Variants in SCUBE1 observed in about 807,000 individuals in gnomAD.
The protein encoded by SCUBE1 is signal peptide, CUB and EGF-like domain-containing protein 1.
SCUBE1 carries 59 observed loss-of-function variants against 124.4 expected under a neutral mutation model. The ratio of observed to expected loss-of-function variants is 0.47; its 90% confidence interval spans 0.38 to 0.59. The LOEUF (loss-of-function observed/expected upper bound fraction) is 0.59, where lower values mean the gene tolerates loss of function less well. Ranked by LOEUF, SCUBE1 falls within the 20% of genes least tolerant of loss-of-function variation. SCUBE1 has a pLI of 0.00. For synonymous variants in SCUBE1, 545 were observed against 550.9 expected (o/e 0.99, Z 0.15); for missense variants, 1,150 against 1,371.2 (o/e 0.84, Z 2.55).
chr22:43,279,646 T>C (rs774856433), intron 4 of SCUBE1, among the ~76,000 whole-genome samples: 1 of 152,240 alleles, frequency 6.6e-6, no homozygotes, highest in Non-Finnish European at 1.5e-5. Flanking sequence ...TAGGAGGCAA[T>C]CTTTTTTGCT....
intron 4 of SCUBE1, among the ~76,000 whole-genome samples, chr22:43,269,207 C>T (rs1361082109): frequency 1.3e-5 from 2 of 152,158 alleles, no homozygotes; most frequent in African/African-American, 4.8e-5. Context: ...GATGGGCCCT[C>T]CCCCAGGTCG....
chr22:43,227,481 C>A lies in SCUBE1; in HGVS notation c.1100G>T (p.Ser367Ile). ...CTGGTCACAGCTCCCGTTGCTCATG[C>A]TGCACTCGTCCACATCTGGAAGCAC... is the stretch of plus-strand genomic sequence containing the variant. Reference protein sequence around the residue: ...TTHCGDVDECSMSNGSCDQGC... With the variant: ...TTHCGDVDECIMSNGSCDQGC... The change falls in exon 10 of 22, where the codon AGC (serine) becomes ATC (isoleucine). Residue 367 changes from serine to isoleucine, a missense_variant. By Grantham distance (142) the Ser-to-Ile change is moderately radical. Transcript: ENST00000360835. The A allele has an allele frequency of 6.2e-7, 1 of 1,612,600 alleles. No homozygotes were observed. The highest frequency in any genetic ancestry group is 8.5e-7 in the Non-Finnish European group (1 of 1,179,820).
rs1489931249 is a variant in SCUBE1 at position 43,198,874 on chromosome 22, TGGGGCAGTTTGCTGTCTGCTTTCC to T, written c.*5099_*5122del. On this transcript the variant is annotated 3_prime_UTR_variant, in exon 22 of 22. Coordinates refer to ENST00000360835, the MANE Select transcript of SCUBE1 (RefSeq NM_173050.5). ...GAAGTGTGTCTGTCTGTCTGCTGTC[TGGGGCAGTTTGCTGTCTGCTTTCC>T]GGGGCAGTTTGTCTGTCTGCTGTCT... The T allele has an allele frequency of 1.6e-5, 6 of 386,786 alleles. No homozygotes were observed. Among genetic ancestry groups the T allele is most frequent in the African/African-American group, 6.3e-5 (3 of 47,884 alleles). 24.0% of individuals were successfully genotyped at this position (386,786 alleles called of 1,614,324 possible). A position where few individuals can be genotyped will look rare whatever the true frequency, so the allele number is the denominator to read the frequency against.
intron 4 of SCUBE1, among the ~76,000 whole-genome samples, chr22:43,277,836 G>A (rs73422081): frequency 0.054 from 8,220 of 152,312 alleles, 506 homozygotes; most frequent in African/African-American, 0.15. Context: ...AAACAATTCT[G>A]TCATAAAATA....
chr22:43,336,832 C>A (rs971721442), intron 2 of SCUBE1, among the ~76,000 whole-genome samples: 1 of 152,138 alleles, frequency 6.6e-6, no homozygotes, highest in Non-Finnish European at 1.5e-5. Flanking sequence ...GAATGATTAG[C>A]CTTCAGATTT....
At chr22:43,230,205 G>C (rs987475856) in intron 8 of SCUBE1, among the ~76,000 whole-genome samples, 1 of 152,140 alleles carries the variant, frequency 6.6e-6, no homozygotes, top group African/African-American at 2.4e-5. Flanking sequence ...CAGTGGCTAG[G>C]AGGTAAGAGC....
intron 6 of SCUBE1, among the ~76,000 whole-genome samples, chr22:43,242,487 G>A (rs1221218081): frequency 6.6e-6 from 1 of 152,242 alleles, no homozygotes; most frequent in Non-Finnish European, 1.5e-5. Context: ...CGGTGGGGAG[G>A]TTGGGGGTGG....
Position 43,255,165 on chromosome 22 carries a change from C to T in SCUBE1, c.727+3054G>A, listed in dbSNP as rs1185068218. Reference sequence around the variant, plus strand: ...TTTACGACACACGTCTCCTTACACGCACAGGCCAGTGGATACTAGCCCTGG... The same window carrying T: ...TTTACGACACACGTCTCCTTACACGTACAGGCCAGTGGATACTAGCCCTGG... On this transcript the variant is annotated intron_variant, in intron 6 of 21. Transcript: ENST00000360835. The surrounding 1 kb of genome is among the most constrained non-coding windows in gnomAD (Gnocchi z 4.7). Among the ~76,000 whole-genome samples the T allele has an allele frequency of 6.6e-6, 1 of 152,246 alleles. No individual in the cohort carries two copies. Among genetic ancestry groups the T allele is most frequent in the Admixed American group, 6.5e-5 (1 of 15,290 alleles).
chr22:43,342,530 G>A (rs1927356725), intron 1 of SCUBE1, among the ~76,000 whole-genome samples: 1 of 150,772 alleles, frequency 6.6e-6, no homozygotes, highest in Non-Finnish European at 1.5e-5. Context: ...TTTTTCTGCG[G>A]CGTCCATCTG....
At chr22:43,294,103 C>T (rs776866852) in intron 3 of SCUBE1, among the ~76,000 whole-genome samples, 9 of 152,208 alleles carry the variant, frequency 5.9e-5, no homozygotes, top group Non-Finnish European at 1.0e-4. Context: ...CATGTCTTGT[C>T]CCCACTCCCA....
At chr22:43,315,832 G>A (rs961636175) in intron 3 of SCUBE1, among the ~76,000 whole-genome samples, 3 of 152,196 alleles carry the variant, frequency 2.0e-5, no homozygotes, top group Non-Finnish European at 4.4e-5. Flanking sequence ...ATGTTGTTGA[G>A]ACAAAGGCCC....
rs114834808 is a variant in SCUBE1 at position 43,275,451 on chromosome 22, T to C, written c.485-12606A>G. Among the ~76,000 whole-genome samples the C allele has an allele frequency of 3.7e-3, 563 of 152,310 alleles. 4 individuals are homozygous for C. Among genetic ancestry groups the C allele is most frequent in the African/African-American group, 0.013 (547 of 41,554 alleles). On this transcript the variant is annotated intron_variant, in intron 4 of 21. Coordinates refer to ENST00000360835, the MANE Select transcript of SCUBE1 (RefSeq NM_173050.5). ...TCCTCTACACTCCCATGCGGCATGT[T>C]TTCCTCTGCACCCTGCCCTGTGTGA...
intron 2 of SCUBE1, 55 bp downstream of exon 2, chr22:43,339,049 C>A: frequency 6.2e-7 from 1 of 1,606,082 alleles, no homozygotes; most frequent in East Asian, 2.2e-5. Context: ...CATCGGCCAC[C>A]TACAGCAGCC....
chr22:43,247,850 C>T (rs1372079325), intron 6 of SCUBE1, among the ~76,000 whole-genome samples: 2 of 152,216 alleles, frequency 1.3e-5, no homozygotes, highest in Admixed American at 6.5e-5. Context: ...TCTTGGGCAC[C>T]TTCCATTACA....
At chr22:43,279,795 C>A (rs190152089) in intron 4 of SCUBE1, among the ~76,000 whole-genome samples, 3 of 152,298 alleles carry the variant, frequency 2.0e-5, no homozygotes, top group Non-Finnish European at 2.9e-5. Flanking sequence ...TCCGAAAGGA[C>A]CTGCCCTGGC....
At chr22:43,328,803 C>T (rs929659206) in intron 2 of SCUBE1, among the ~76,000 whole-genome samples, 2 of 152,212 alleles carry the variant, frequency 1.3e-5, no homozygotes, top group South Asian at 2.1e-4. Context: ...GCAGTGGCAA[C>T]TCCACACCAG....
In SCUBE1 at chr22:43,202,125, C is replaced by G. The variant is rs113395214; in HGVS notation, c.*1872G>C. On this transcript the variant is annotated 3_prime_UTR_variant, in exon 22 of 22. Transcript: ENST00000360835. ...GGCAGCAGGAGCCACGCCGCGGAGCCCGCTACTGTGGGCACATGTGACGGC... is the reference window on the plus strand; with the variant it reads ...GGCAGCAGGAGCCACGCCGCGGAGCGCGCTACTGTGGGCACATGTGACGGC... 6.6e-6 allele frequency: 1 copy of G among 152,272 alleles called. No homozygotes were observed. The highest frequency in any genetic ancestry group is 2.4e-5 in the African/African-American group (1 of 41,456). 9.4% of individuals were successfully genotyped at this position (152,272 alleles called of 1,614,324 possible).
chr22:43,291,051 G>T lies in SCUBE1; in HGVS notation c.479C>A (p.Ser160Tyr), dbSNP rs1210526190. 6.2e-7 allele frequency: 1 copy of T among 1,607,804 alleles called. No individual in the cohort carries two copies. Among genetic ancestry groups the T allele is most frequent in the East Asian group, 2.2e-5 (1 of 44,724 alleles). Residue 160 changes from serine to tyrosine, a missense_variant, in exon 4 of 22, where the codon TCC becomes TAC. Ser to Tyr is a moderately radical substitution (Grantham distance 144, BLOSUM62 -2). Transcript: ENST00000360835. ...SDNQHTCIHRSNEGMNCMNKD... is the reference protein window; with the variant it reads ...SDNQHTCIHRYNEGMNCMNKD... ...TCAGCATAGGCTGTACTCACCATTG[G>T]AGCGGTGGATGCAGGTATGCTGGTT...
intron 2 of SCUBE1, among the ~76,000 whole-genome samples, chr22:43,331,098 T>C (rs939958692): frequency 6.6e-5 from 10 of 152,226 alleles, no homozygotes; most frequent in African/African-American, 2.2e-4. Context: ...AAATTGGTTT[T>C]AAGATTTTGT....
Sources: allele counts gnomAD v4.1 joint callset (sites outside exome capture counted in the v4.1 genomes callset), GRCh38; gene constraint gnomAD v4.1.1; non-coding constraint Gnocchi (gnomAD v3.1); transcripts MANE v1.5; gene names NCBI Gene and HGNC (gene_info 2026-07-23, HGNC 2026-07-21).